The following HSF2 variants were observed in gnomAD, a reference collection of about 807,000 sequenced individuals.
The protein encoded by HSF2 is heat shock transcription factor 2.
Under a neutral mutation model 65.0 loss-of-function variants are expected in HSF2, and 21 were observed. The observed-to-expected ratio is 0.32, with a 90% confidence interval of 0.23 to 0.47. HSF2 has a LOEUF of 0.47. Among genes scored for constraint, HSF2 ranks in the 20% least tolerant of loss-of-function variants. HSF2 has a pLI of 1.00. For missense variants in HSF2, 499 were observed against 628.1 expected, an observed-to-expected ratio of 0.79 and a Z score of 2.20; for synonymous variants, 225 against 219.1, an observed-to-expected ratio of 1.03 and a Z score of -0.24.
chr6:122,402,616 G>A (rs955827930), intron 1 of HSF2, among the ~76,000 whole-genome samples: 3 of 151,550 alleles, frequency 2.0e-5, no homozygotes, highest in African/African-American at 2.4e-5. Context: ...ACGGTGGCAC[G>A]ATCTCGGCTC....
intron 11 of HSF2, 120 bp from the exon 12 acceptor site, chr6:122,431,310 T>C (rs975218572): frequency 1.8e-5 from 7 of 395,426 alleles, no homozygotes; most frequent in African/African-American, 1.3e-4. Context: ...TTCCCTGATG[T>C]TTCCCCATCT....
chr6:122,408,592 G>C (rs1773918706), intron 1 of HSF2, among the ~76,000 whole-genome samples: 1 of 152,034 alleles, frequency 6.6e-6, no homozygotes, highest in Non-Finnish European at 1.5e-5. Flanking sequence ...AGAAATACAA[G>C]TAATTTTTGT....
chr6:122,411,126 T>G (rs1773983589), intron 1 of HSF2, among the ~76,000 whole-genome samples: 1 of 151,838 alleles, frequency 6.6e-6, no homozygotes, highest in African/African-American at 2.4e-5. Context: ...ACTTGTTTTA[T>G]GCGTTTTTGA....
chr6:122,412,693 G>A lies in HSF2; in HGVS notation c.259G>A (p.Gly87Ser), dbSNP rs754648493. The change falls in exon 3 of 13, where the codon GGT becomes AGT. Residue 87 changes from glycine (G) to serine (S), a missense_variant. Physicochemically the swap from Gly to Ser is moderately conservative, Grantham distance 56. Around this residue, in one of 2 missense-constraint regions of HSF2, gnomAD observed 150 missense variants for 234.6 expected, o/e 0.64. Transcript: ENST00000368455. ...TGGAATTGTAAAGCAAGAAAGAGAT[G>A]GTCCTGTAGAATTTCAGCATCCTTA... is the stretch of plus-strand genomic sequence containing the variant. Reference protein sequence around the residue: ...DSGIVKQERDGPVEFQHPYFK... With the variant: ...DSGIVKQERDSPVEFQHPYFK... The A allele has an allele frequency of 2.5e-6, 4 of 1,611,868 alleles. No individual in the cohort carries two copies. The highest frequency in any genetic ancestry group is 3.4e-6 in the Non-Finnish European group (4 of 1,178,260).
intron 1 of HSF2, among the ~76,000 whole-genome samples, chr6:122,404,100 CT>C (rs1773806772): frequency 6.6e-6 from 1 of 152,218 alleles, no homozygotes; most frequent in African/African-American, 2.4e-5. Context: ...TCATACCCAG[CT>C]TTCCCCCCTT....
intron 5 of HSF2, among the ~76,000 whole-genome samples, chr6:122,418,858 A>G (rs1026058366): frequency 8.5e-5 from 13 of 152,144 alleles, no homozygotes; most frequent in Admixed American, 5.9e-4. Flanking sequence ...TATAAGAAAA[A>G]TGTTGCCTAT....
intron 10 of HSF2, among the ~76,000 whole-genome samples, chr6:122,427,128 A>T (rs1398249890): frequency 6.6e-6 from 1 of 151,848 alleles, no homozygotes. Context: ...AGTGCTTTTG[A>T]GCGCCACCAT....
rs113767269 is a variant in HSF2 at position 122,431,579 on chromosome 6, G to A, written c.1315+65G>A. On this transcript the variant is annotated intron_variant, in intron 12 of 12. Coordinates refer to ENST00000368455, the MANE Select transcript of HSF2 (RefSeq NM_004506.4). ...TAATCCTATGCAGAAACAAGTGCAA[G>A]CCGAGGGTAGTCTTAATTGAATATG... is the stretch of plus-strand genomic sequence containing the variant. 9.9e-4 allele frequency: 855 copies of A among 862,574 alleles called. 6 individuals carry two copies. In the African/African-American group the frequency reaches 0.012, roughly 12 times the overall value. The allele number at this position is 862,574 out of a possible 1,614,324, so 53.4% of individuals were successfully genotyped here.
chr6:122,408,543 C>A (rs187687819), intron 1 of HSF2, among the ~76,000 whole-genome samples: 2 of 152,028 alleles, frequency 1.3e-5, no homozygotes, highest in East Asian at 3.9e-4. Context: ...AAATGGTGTT[C>A]TTGACTTAAA....
At chr6:122,415,875 G>A (rs1774114499) in intron 4 of HSF2, among the ~76,000 whole-genome samples, 1 of 152,106 alleles carries the variant, frequency 6.6e-6, no homozygotes, top group Admixed American at 6.6e-5. Context: ...AAATTAGCTG[G>A]TTGTGGTGGC....
intron 11 of HSF2, 25 bp from the exon 12 acceptor site, chr6:122,431,405 T>A: frequency 9.5e-7 from 1 of 1,051,028 alleles, no homozygotes; most frequent in Non-Finnish European, 1.3e-6. Flanking sequence ...AAACAAGTAC[T>A]TATATATATA....
intron 5 of HSF2, among the ~76,000 whole-genome samples, chr6:122,417,150 T>G (rs1039749992): frequency 5.5e-5 from 8 of 146,676 alleles, no homozygotes; most frequent in South Asian, 2.2e-4. Context: ...TTTACTGTGT[T>G]TTTTTTTTTT....
At chr6:122,418,027 CTT>C (rs990343595) in intron 5 of HSF2, among the ~76,000 whole-genome samples, 1 of 151,888 alleles carries the variant, frequency 6.6e-6, no homozygotes, top group South Asian at 2.1e-4. Context: ...ATTTAGTAGC[CTT>C]TTTTGTAAGG....
At chr6:122,405,348 CTG>C (rs1372821797) in intron 1 of HSF2, among the ~76,000 whole-genome samples, 2 of 150,844 alleles carry the variant, frequency 1.3e-5, no homozygotes, top group Non-Finnish European at 2.9e-5. Context: ...CCAAGATAAA[CTG>C]TGTGTCGGTT....
chr6:122,406,161 A>G (rs1032107247), intron 1 of HSF2, among the ~76,000 whole-genome samples: 3 of 152,234 alleles, frequency 2.0e-5, no homozygotes, highest in South Asian at 4.1e-4. Flanking sequence ...ACCAAGCTCT[A>G]TGCTTGTAGA....
At chr6:122,420,696 A>ATTTTTT (rs1353831309) in intron 7 of HSF2, among the ~76,000 whole-genome samples, 1 of 20,378 alleles carries the variant, frequency 4.9e-5, no homozygotes, top group Non-Finnish European at 1.1e-4. Flanking sequence ...TAGTTTATTC[A>ATTTTTT]TTTCTTTTTT....
At chr6:122,430,315 T>G (rs1324929254) in intron 11 of HSF2, among the ~76,000 whole-genome samples, 1 of 152,214 alleles carries the variant, frequency 6.6e-6, no homozygotes, top group Non-Finnish European at 1.5e-5. Context: ...TAGTATTCTC[T>G]GATGGTAGTT....
Position 122,432,023 on chromosome 6 carries a change from G to A in HSF2, c.1414G>A (p.Glu472Lys), listed in dbSNP as rs367882844. The change falls in exon 13 of 13, where the codon GAA becomes AAA. Residue 472 changes from glutamate to lysine, a missense_variant. Glu to Lys is a moderately conservative substitution (Grantham distance 56). Transcript: ENST00000368455. ...ACAGGCGAGTACAACAGCATCATCA[G>A]AAGTTTTGTCCTCTGTAGATAAACC... The part of the protein sequence containing the change: ...VEQASTTASS[E>K]VLSSVDKPIE... 4.3e-6 allele frequency: 7 copies of A among 1,614,044 alleles called. No individual in the cohort carries two copies. The South Asian group carries it at 6.6e-5, about 15-fold the overall frequency.
At chr6:122,429,180 A>T (rs923492766) in intron 11 of HSF2, among the ~76,000 whole-genome samples, 2 of 152,028 alleles carry the variant, frequency 1.3e-5, no homozygotes, top group Non-Finnish European at 2.9e-5. Flanking sequence ...TGTTTCAGTA[A>T]ATATATTACT....
Sources: allele counts gnomAD v4.1 joint callset (sites outside exome capture counted in the v4.1 genomes callset), GRCh38; gene constraint gnomAD v4.1.1; regional missense constraint gnomAD v4.1.1; transcripts MANE v1.5; gene names NCBI Gene and HGNC (gene_info 2026-07-23, HGNC 2026-07-21).